SPAG16: variants seen among roughly 807,000 people sequenced by gnomAD.
SPAG16 encodes the protein sperm-associated antigen 16 protein.
Under a neutral mutation model 80.4 loss-of-function variants are expected in SPAG16, and 86 were observed. The observed-to-expected ratio is 1.07, with a 90% CI of 0.90 to 1.28. SPAG16 has a LOEUF of 1.28. SPAG16 is among the 50% of genes most tolerant of loss of function. SPAG16 has a pLI of 0.00. For synonymous variants in SPAG16, 294 were observed against 265.9 expected (o/e 1.11, Z -1.03); for missense variants, 870 against 765.3 (o/e 1.14, Z -1.61).
At chr2:214,363,065 TC>T (rs1430513345) in intron 15 of SPAG16, among the ~76,000 whole-genome samples, 1 of 151,942 alleles carries the variant, frequency 6.6e-6, no homozygotes, top group Non-Finnish European at 1.5e-5. Flanking sequence ...ATTTCTTCCC[TC>T]TCTCCTATTA....
chr2:213,891,336 G>A (rs1427360), intron 11 of SPAG16, among the ~76,000 whole-genome samples: 52,028 of 151,716 alleles, frequency 0.34, 9,396 homozygotes, highest in South Asian at 0.47. Context: ...TTATATTGGA[G>A]TAATATTTTA....
intron 11 of SPAG16, among the ~76,000 whole-genome samples, chr2:213,919,556 A>G (rs2078116147): frequency 6.6e-6 from 1 of 152,210 alleles, no homozygotes; most frequent in South Asian, 2.1e-4. Flanking sequence ...TTTACTCAAA[A>G]GCCATTCAAG....
intron 15 of SPAG16, among the ~76,000 whole-genome samples, chr2:214,385,043 G>A (rs1026302217): frequency 1.3e-5 from 2 of 152,222 alleles, no homozygotes; most frequent in Non-Finnish European, 2.9e-5. Context: ...AAATGGTATT[G>A]AAAATGTGCT....
intron 15 of SPAG16, among the ~76,000 whole-genome samples, chr2:214,157,153 T>C (rs1003963584): frequency 6.6e-6 from 1 of 152,158 alleles, no homozygotes; most frequent in Admixed American, 6.6e-5. Context: ...GATGCACAAG[T>C]CTATGACTAA....
At chr2:213,387,193 A>G (rs2067471524) in intron 9 of SPAG16, among the ~76,000 whole-genome samples, 1 of 151,984 alleles carries the variant, frequency 6.6e-6, no homozygotes, top group Admixed American at 6.6e-5. Context: ...GACTCCTTGT[A>G]GAGTTAAATT....
rs181260503 is a variant in SPAG16, at chr2:214,143,983, C to A, written c.1594-5157C>A. 5.3e-5 allele frequency among the ~76,000 whole-genome samples: 8 copies of A among 152,086 alleles called. No homozygotes were observed. The East Asian group carries it at 1.4e-3, about 26-fold the overall frequency. ...GACCAGCCTGAGCAACATAGCAAGA[C>A]CCTGTCTATAAAAAAAATTTAAAAA... On this transcript the variant is annotated intron_variant, in intron 14 of 15. Coordinates refer to ENST00000331683, the MANE Select transcript of SPAG16 (RefSeq NM_024532.5).
chr2:213,442,908 G>T (rs1253133868), intron 9 of SPAG16, among the ~76,000 whole-genome samples: 3 of 152,016 alleles, frequency 2.0e-5, no homozygotes, highest in Non-Finnish European at 2.9e-5. Context: ...AATTTTAATT[G>T]ATTAAAATTA....
At chr2:213,411,462 A>G (rs1190915528) in intron 9 of SPAG16, among the ~76,000 whole-genome samples, 1 of 152,268 alleles carries the variant, frequency 6.6e-6, no homozygotes, top group Non-Finnish European at 1.5e-5. Context: ...GCCACTAGCC[A>G]GATGGCTTAG....
intron 13 of SPAG16, among the ~76,000 whole-genome samples, chr2:214,088,601 CAA>C (rs2051946269): frequency 6.6e-6 from 1 of 151,942 alleles, no homozygotes; most frequent in African/African-American, 2.4e-5. Flanking sequence ...AAATATCACT[CAA>C]TATTTTTTGA....
chr2:214,146,478 CT>C (rs1426583700), intron 14 of SPAG16, among the ~76,000 whole-genome samples: 1 of 152,156 alleles, frequency 6.6e-6, no homozygotes, highest in East Asian at 1.9e-4. Context: ...TGCAAAACTG[CT>C]TTGGAAGGAC....
intron 10 of SPAG16, among the ~76,000 whole-genome samples, chr2:213,641,531 T>G (rs535048070): frequency 1.3e-5 from 2 of 152,312 alleles, no homozygotes; most frequent in South Asian, 2.1e-4. Context: ...CCTTCCCTGA[T>G]TCCACTGGCT....
intron 12 of SPAG16, among the ~76,000 whole-genome samples, chr2:213,994,699 C>G (rs912182951): frequency 1.3e-5 from 2 of 151,450 alleles, no homozygotes; most frequent in African/African-American, 4.9e-5. Context: ...TGGTTAAATA[C>G]CATCTATTCT....
chr2:213,972,801 T>A (rs1254117470), intron 12 of SPAG16, among the ~76,000 whole-genome samples: 2 of 152,172 alleles, frequency 1.3e-5, no homozygotes, highest in Non-Finnish European at 2.9e-5. Flanking sequence ...GGATATATAT[T>A]TTAAATATAA....
chr2:214,395,363 A>G (rs907225793), intron 15 of SPAG16, among the ~76,000 whole-genome samples: 2 of 152,176 alleles, frequency 1.3e-5, no homozygotes, highest in Non-Finnish European at 2.9e-5. Flanking sequence ...CATTCTCACC[A>G]GCATTTGGTG....
intron 10 of SPAG16, among the ~76,000 whole-genome samples, chr2:213,695,168 T>G (rs78692382): frequency 0.036 from 5,454 of 152,234 alleles, 335 homozygotes; most frequent in African/African-American, 0.12. Context: ...AACCATATCT[T>G]TTTCTTACTC....
At chr2:214,010,581 A>G (rs2047236674) in intron 12 of SPAG16, among the ~76,000 whole-genome samples, 1 of 146,740 alleles carries the variant, frequency 6.8e-6, no homozygotes, top group Non-Finnish European at 1.5e-5. Context: ...GAGAGACTAG[A>G]CTGACCTCAG....
intron 8 of SPAG16, among the ~76,000 whole-genome samples, chr2:213,369,004 A>C (rs913736909): frequency 1.3e-5 from 2 of 152,244 alleles, no homozygotes; most frequent in Non-Finnish European, 2.9e-5. Flanking sequence ...AAATCTTGAA[A>C]GCAATAATAC....
chr2:213,909,786 T>C (rs2077583703), intron 11 of SPAG16, among the ~76,000 whole-genome samples: 1 of 152,204 alleles, frequency 6.6e-6, no homozygotes. Flanking sequence ...GGCTTGTACT[T>C]ACTTTACTTT....
intron 15 of SPAG16, among the ~76,000 whole-genome samples, chr2:214,402,703 T>C (rs1701779684): frequency 6.6e-6 from 1 of 152,052 alleles, no homozygotes; most frequent in African/African-American, 2.4e-5. Flanking sequence ...AAGTGTTTTT[T>C]CTGCCCACTA....
Sources: allele counts gnomAD v4.1 joint callset (sites outside exome capture counted in the v4.1 genomes callset), GRCh38; gene constraint gnomAD v4.1.1; transcripts MANE v1.5; gene names NCBI Gene and HGNC (gene_info 2026-07-23, HGNC 2026-07-21).